MFAP1: variants seen among roughly 807,000 people sequenced by gnomAD.
The protein encoded by MFAP1 is microfibril associated protein 1, also known as microfibrillar-associated protein 1.
MFAP1 carries 18 observed loss-of-function variants against 62.2 expected under a neutral mutation model. The ratio of observed to expected loss-of-function variants is 0.29; its 90% CI spans 0.20 to 0.43. The LOEUF is 0.43. Among genes scored for constraint, MFAP1 ranks in the 20% least tolerant of loss-of-function variants. The pLI is 1.00. For missense variants in MFAP1, 355 were observed against 559.7 expected (o/e 0.63, Z 3.69); for synonymous variants, 175 against 180.4 (o/e 0.97, Z 0.24).
At chr15:43,806,805 G>A (rs1326805076) in intron 7 of MFAP1, among the ~76,000 whole-genome samples, 1 of 152,194 alleles carries the variant, frequency 6.6e-6, no homozygotes, top group Non-Finnish European at 1.5e-5. Context: ...TCAGGAGGTG[G>A]AGGTTGCAGT....
chr15:43,812,963 C>T, intron 6 of MFAP1, 24 bp downstream of exon 6: 12 of 1,612,940 alleles, frequency 7.4e-6, no homozygotes, highest in Non-Finnish European at 1.0e-5. Context: ...GCAGCATTAA[C>T]TCTAGGCTCA....
Position 43,813,181 on chromosome 15 carries a change from T to C in MFAP1, c.727-34A>G, listed in dbSNP as rs529757446. The stretch of plus-strand genomic sequence containing the variant: ...GGAGAACAATTCAGCTTGGACTTCC[T>C]TACTCTCCTCAGACAAACCTGATTA... On this transcript the variant is annotated intron_variant, in intron 5 of 8. Transcript: ENST00000267812. 234 of 1,614,126 alleles carry C rather than the reference T, an allele frequency of 1.4e-4. 2 individuals are homozygous for C. The South Asian group carries it at 2.4e-3, about 17-fold the overall frequency.
chr15:43,821,518 G>GT (rs1175789024), intron 1 of MFAP1, among the ~76,000 whole-genome samples: 1 of 152,124 alleles, frequency 6.6e-6, no homozygotes, highest in African/African-American at 2.4e-5. Context: ...AGAGATCAAT[G>GT]TAACAGAGAA....
Position 43,817,438 on chromosome 15 carries a change from T to C in MFAP1, c.90A>G (p.Ser30=), listed in dbSNP as rs771129675. 1 of 1,614,180 alleles carries C rather than the reference T, an allele frequency of 6.2e-7. No homozygotes were observed. The highest frequency in any genetic ancestry group is 8.5e-7 in the Non-Finnish European group (1 of 1,180,038). Residue 30 remains serine (S), a synonymous_variant, in exon 2 of 9, where the codon TCA becomes TCG. Coordinates refer to ENST00000267812, the MANE Select transcript of MFAP1 (RefSeq NM_005926.3). ...AACGCTTTACCTTCACTTTTTCCAT[T>C]GAAATCTCACCTGGGCGAGAAAGGT... is the stretch of plus-strand genomic sequence containing the variant. ...VPVRNEKGEI[S]MEKVKVKRYV...
chr15:43,815,162 G>T, intron 2 of MFAP1, 88 bp from the exon 3 acceptor site: 2 of 1,510,794 alleles, frequency 1.3e-6, no homozygotes, highest in Non-Finnish European at 1.8e-6. Context: ...AGCACATTAT[G>T]TTTGCCTTCA....
chr15:43,804,788 A>G lies in MFAP1; in HGVS notation c.*306T>C. 4.0e-6 allele frequency: 1 copy of G among 250,084 alleles called. No homozygotes were observed. The highest frequency in any genetic ancestry group is 7.4e-5 in the East Asian group (1 of 13,456). The allele number at this position is 250,084 out of a possible 1,614,324, so 15.5% of individuals were successfully genotyped here. A position where few individuals can be genotyped will look rare whatever the true frequency, so the allele number is the denominator to read the frequency against. On this transcript the variant is annotated 3_prime_UTR_variant, in exon 9 of 9. Coordinates refer to ENST00000267812, the MANE Select transcript of MFAP1 (RefSeq NM_005926.3). ...CTAACCCAAGCTAAGGGCTGGAAAA[A>G]GAAAGTCAGAACAGTCCCAAGTAAA...
chr15:43,805,054 C>G lies in MFAP1; in HGVS notation c.*40G>C. 6.5e-7 allele frequency: 1 copy of G among 1,529,070 alleles called. No homozygotes were observed. The highest frequency in any genetic ancestry group is 8.8e-7 in the Non-Finnish European group (1 of 1,131,944). The allele number at this position is 1,529,070 out of a possible 1,614,324, so 94.7% of individuals were successfully genotyped here. ...AAATCAAGGACCAGATGCTGAGACT[C>G]CCCTTGTGTTCCACAGTTGGAAGAA... On this transcript the variant is annotated 3_prime_UTR_variant, in exon 9 of 9. Transcript: ENST00000267812.
intron 6 of MFAP1, chr15:43,810,272 G>T (rs2087390725): frequency 5.1e-6 from 1 of 194,568 alleles, no homozygotes; most frequent in Non-Finnish European, 1.0e-5. Flanking sequence ...GGCTTTGCTG[G>T]TATTCCTTTA....
intron 1 of MFAP1, 113 bp downstream of exon 1, chr15:43,824,378 A>G: frequency 5.9e-6 from 6 of 1,015,092 alleles, no homozygotes; most frequent in Non-Finnish European, 5.9e-6. Flanking sequence ...AGAATCTGGC[A>G]GCCAGATCTC....
Position 43,805,247 on chromosome 15 carries a change from G to C in MFAP1, c.1167C>G (p.Thr389=). The part of the protein sequence containing the change: ...QVKNFGRSGR[T]KYTHLVDQDT... Reference sequence around the variant, plus strand: ...CTTGATCCACAAGGTGAGTGTATTTGGTGCGACCTGAGCGTCCAAAGTTCT... The same window carrying C: ...CTTGATCCACAAGGTGAGTGTATTTCGTGCGACCTGAGCGTCCAAAGTTCT... The change falls in exon 9 of 9, where the codon ACC becomes ACG. Residue 389 remains threonine (T), a synonymous_variant. Transcript: ENST00000267812. 1 of 1,598,450 alleles carries C rather than the reference G, an allele frequency of 6.3e-7. No homozygotes were observed. Among genetic ancestry groups the C allele is most frequent in the East Asian group, 2.3e-5 (1 of 44,422 alleles).
chr15:43,813,265 C>A lies in MFAP1; in HGVS notation c.710G>T (p.Arg237Leu). 6.2e-7 allele frequency: 1 copy of A among 1,613,686 alleles called. No homozygotes were observed. Among genetic ancestry groups the A allele is most frequent in the Non-Finnish European group, 8.5e-7 (1 of 1,179,946 alleles). ...QEAKRMAEER[R>L]KYTLKIVEEE... Reference sequence around the variant, plus strand: ...CCCCAGTACCTTGAGTGTGTACTTGCGCCTTTCCTCAGCCATGCGTTTTGC... The same window carrying A: ...CCCCAGTACCTTGAGTGTGTACTTGAGCCTTTCCTCAGCCATGCGTTTTGC... Residue 237 changes from arginine to leucine, a missense_variant, in exon 5 of 9, where the codon CGC becomes CTC. Coordinates refer to ENST00000267812, the MANE Select transcript of MFAP1 (RefSeq NM_005926.3).
chr15:43,821,733 G>A (rs560306732), intron 1 of MFAP1, among the ~76,000 whole-genome samples: 1 of 152,080 alleles, frequency 6.6e-6, no homozygotes, highest in Non-Finnish European at 1.5e-5. Flanking sequence ...TTCCCTACTG[G>A]ACTGTAAGCT....
intron 7 of MFAP1, among the ~76,000 whole-genome samples, chr15:43,807,441 C>G (rs1432104497): frequency 6.6e-6 from 1 of 151,402 alleles, no homozygotes; most frequent in Non-Finnish European, 1.5e-5. Context: ...TTCCGCCTCC[C>G]AGGTTCACGC....
intron 2 of MFAP1, among the ~76,000 whole-genome samples, chr15:43,816,903 A>G (rs1016550847): frequency 2.6e-5 from 4 of 152,212 alleles, no homozygotes; most frequent in Non-Finnish European, 5.9e-5. Flanking sequence ...TTTGTGCTAA[A>G]AAGACTCCTC....
At chr15:43,815,619 T>C (rs1400142734) in intron 2 of MFAP1, among the ~76,000 whole-genome samples, 1 of 151,714 alleles carries the variant, frequency 6.6e-6, no homozygotes, top group Non-Finnish European at 1.5e-5. Context: ...GCCAGCAAAC[T>C]CATAGGGATG....
intron 1 of MFAP1, among the ~76,000 whole-genome samples, chr15:43,821,546 A>T (rs777366988): frequency 1.3e-5 from 2 of 152,176 alleles, no homozygotes; most frequent in African/African-American, 2.4e-5. Context: ...ACAAACTTAT[A>T]TGAGAACTCG....
chr15:43,813,549 C>T (rs539289153), intron 4 of MFAP1, among the ~76,000 whole-genome samples, 192 bp from the exon 5 acceptor site: 180 of 131,838 alleles, frequency 1.4e-3, no homozygotes, highest in Non-Finnish European at 1.9e-3. Context: ...TCTCACTTGT[C>T]GCCTAGGCTG....
intron 7 of MFAP1, among the ~76,000 whole-genome samples, chr15:43,808,224 G>C (rs1259108071): frequency 6.6e-6 from 1 of 152,194 alleles, no homozygotes; most frequent in African/African-American, 2.4e-5. Flanking sequence ...AATTTATTTT[G>C]AGACAAAGTC....
chr15:43,815,592 C>T (rs958545766), intron 2 of MFAP1, among the ~76,000 whole-genome samples: 1 of 151,698 alleles, frequency 6.6e-6, no homozygotes, highest in Non-Finnish European at 1.5e-5. Context: ...TTGAGGCATC[C>T]TGGGGCACCA....
Sources: allele counts gnomAD v4.1 joint callset (sites outside exome capture counted in the v4.1 genomes callset), GRCh38; gene constraint gnomAD v4.1.1; transcripts MANE v1.5; gene names NCBI Gene and HGNC (gene_info 2026-07-23, HGNC 2026-07-21).